Variants in DHX32 observed in about 807,000 individuals in gnomAD.
DHX32 encodes the protein putative pre-mRNA-splicing factor ATP-dependent RNA helicase DHX32.
In DHX32, 51 loss-of-function variants were observed where a neutral mutation model predicts 70.0. That is an observed-to-expected ratio of 0.73 (90% CI 0.58 to 0.92). The LOEUF is 0.92. Ranked by LOEUF, DHX32 falls within the 40% of genes least tolerant of loss-of-function variation. DHX32 has a pLI of 0.00. For synonymous variants in DHX32, 310 were observed against 315.3 expected (o/e 0.98, Z 0.18); for missense variants, 762 against 891.8 (o/e 0.85, Z 1.85).
In DHX32 at chr10:125,836,602, C is replaced by A. The variant is rs1564820937; in HGVS notation, c.*85G>T. ...ACCGTCCTGTGGATGTGAAATCCGT[C>A]TTCGCGTCATGTATCTCCCATATCC... On this transcript the variant is annotated 3_prime_UTR_variant, in exon 11 of 11. Coordinates refer to ENST00000284690, the MANE Select transcript of DHX32 (RefSeq NM_018180.3). The A allele has an allele frequency of 6.7e-7, 1 of 1,499,022 alleles. No homozygotes were observed. The highest frequency in any genetic ancestry group is 9.0e-7 in the Non-Finnish European group (1 of 1,111,796). 92.9% of individuals were successfully genotyped at this position (1,499,022 alleles called of 1,614,324 possible).
chr10:125,895,818 G>A (rs556906843), intron 1 of DHX32, among the ~76,000 whole-genome samples: 4 of 151,366 alleles, frequency 2.6e-5, no homozygotes, highest in Non-Finnish European at 5.9e-5. Flanking sequence ...GGGCAAAGCC[G>A]GGCAAAACCG....
intron 1 of DHX32, among the ~76,000 whole-genome samples, chr10:125,868,691 C>T (rs904329336): frequency 6.6e-6 from 1 of 152,192 alleles, no homozygotes; most frequent in African/African-American, 2.4e-5. Context: ...CCAGGAATAA[C>T]AAGCCACCTA....
rs1156703743 is a variant in DHX32 at position 125,880,627 on chromosome 10, T to G, written c.198A>C (p.Lys66Asn). The change falls in exon 1 of 11, where the codon AAA (lysine) becomes AAC (asparagine). Residue 66 changes from lysine to asparagine, a missense_variant. Lys to Asn is a moderately conservative substitution (Grantham distance 94). Around this residue, in one of 3 missense-constraint regions of DHX32, gnomAD observed 394 missense variants for 473.1 expected, o/e 0.83. Coordinates refer to ENST00000284690, the MANE Select transcript of DHX32 (RefSeq NM_018180.3). ...LKEREDLPIW[K>N]EKYSFMENLL... ...GGTTCTCCATAAAGGAGTATTTTTC[T>G]TTCCATATAGGAAGATCTTCTCTTT... 1 of 1,614,192 alleles carries G rather than the reference T, an allele frequency of 6.2e-7. No homozygotes were observed. Among genetic ancestry groups the G allele is most frequent in the South Asian group, 1.1e-5 (1 of 91,086 alleles).
At chr10:125,868,477 A>T (rs1051252624) in intron 1 of DHX32, among the ~76,000 whole-genome samples, 12 of 152,220 alleles carry the variant, frequency 7.9e-5, no homozygotes, top group African/African-American at 2.7e-4. Context: ...CCAGAAATAC[A>T]AGTAACTCCA....
chr10:125,861,734 T>G (rs1268921282), intron 2 of DHX32, among the ~76,000 whole-genome samples: 1 of 152,216 alleles, frequency 6.6e-6, no homozygotes, highest in Non-Finnish European at 1.5e-5. Flanking sequence ...CTCGTGAGCT[T>G]GCGCCTGGGT....
intron 10 of DHX32, 49 bp downstream of exon 10, chr10:125,838,157 G>T (rs1485168485): frequency 6.7e-7 from 1 of 1,500,254 alleles, no homozygotes; most frequent in Non-Finnish European, 8.9e-7. Flanking sequence ...TACTCCTACA[G>T]GTATGAATTA....
intron 2 of DHX32, among the ~76,000 whole-genome samples, chr10:125,861,272 C>G (rs1305776143): frequency 1.3e-5 from 2 of 151,354 alleles, no homozygotes; most frequent in South Asian, 4.2e-4. Context: ...CCGAGGCAGG[C>G]GGATCACAAG....
chr10:125,892,933 CCTCT>C (rs1944380176), intron 1 of DHX32, among the ~76,000 whole-genome samples: 2 of 152,136 alleles, frequency 1.3e-5, no homozygotes, highest in African/African-American at 2.4e-5. Flanking sequence ...AAAGGTTTGA[CCTCT>C]CTATTATTAC....
chr10:125,838,277 C>T lies in DHX32; in HGVS notation c.1992G>A (p.Trp664Ter). The T allele has an allele frequency of 6.2e-7, 1 of 1,613,606 alleles. No individual in the cohort carries two copies. Among genetic ancestry groups the T allele is most frequent in the Non-Finnish European group, 8.5e-7 (1 of 1,179,894 alleles). Residue 664 changes from tryptophan to a stop codon, truncating the protein, a stop_gained, in exon 10 of 11, where the codon TGG (tryptophan) becomes TGA (stop). Coordinates refer to ENST00000284690, the MANE Select transcript of DHX32 (RefSeq NM_018180.3). LOFTEE classifies it high-confidence loss of function. The stretch of plus-strand genomic sequence containing the variant: ...AAATGCTGAATTTATGGAAGAGGAC[C>T]CACTCTGGCATCTTCTTGGTGATTG... The part of the protein sequence containing the change: ...GYSITKKMPE[W>*]VLFHKFSISE...
At chr10:125,878,695 T>G (rs181233059) in intron 1 of DHX32, among the ~76,000 whole-genome samples, 2 of 152,090 alleles carry the variant, frequency 1.3e-5, no homozygotes, top group East Asian at 1.9e-4. Flanking sequence ...TTGGTGTTTT[T>G]TTTTGTTTTG....
In DHX32 at chr10:125,859,758, C is replaced by T. The variant is rs368692405; in HGVS notation, c.694G>A (p.Val232Met). The change falls in exon 3 of 11, where the codon GTG becomes ATG. Residue 232 changes from valine to methionine, a missense_variant. Physicochemically the swap from Val to Met is conservative, Grantham distance 21. Coordinates refer to ENST00000284690, the MANE Select transcript of DHX32 (RefSeq NM_018180.3). ...TTATTTTTCACTTCTATGACAGGCA[C>T]GTTTCCATAATAAGAATTGAGTTTG... ...ISKLNSYYGN[V>M]PVIEVKNKHP... The T allele has an allele frequency of 1.8e-4, 284 of 1,613,902 alleles. 1 individual carries two copies. Among genetic ancestry groups the T allele is most frequent in the Middle Eastern group, 1.6e-3 (10 of 6,082 alleles).
intron 1 of DHX32, 124 bp from the exon 2 acceptor site, chr10:125,867,307 G>T: frequency 1.4e-6 from 1 of 740,508 alleles, no homozygotes; most frequent in Non-Finnish European, 2.2e-6. Flanking sequence ...GCAGTGGGCT[G>T]TATTACATCT....
At chr10:125,890,287 C>G (rs4089565) in intron 1 of DHX32, among the ~76,000 whole-genome samples, 3 of 152,152 alleles carry the variant, frequency 2.0e-5, no homozygotes, top group African/African-American at 7.2e-5. Flanking sequence ...GCATGGTATG[C>G]TTTAATTGAA....
intron 8 of DHX32, 105 bp from the exon 9 acceptor site, chr10:125,839,293 A>G: frequency 8.5e-7 from 1 of 1,177,916 alleles, no homozygotes; most frequent in Non-Finnish European, 1.2e-6. Flanking sequence ...CTCCTCTCCT[A>G]CAAAGGAGGC....
chr10:125,851,125 A>G (rs749289482), intron 6 of DHX32, among the ~76,000 whole-genome samples: 3 of 152,256 alleles, frequency 2.0e-5, no homozygotes, highest in Non-Finnish European at 4.4e-5. Context: ...CACATGGTTC[A>G]TGCATCCTGA....
intron 1 of DHX32, among the ~76,000 whole-genome samples, chr10:125,874,972 A>C (rs1405799908): frequency 6.6e-6 from 1 of 152,110 alleles, no homozygotes; most frequent in Non-Finnish European, 1.5e-5. Context: ...TAATCCCAGC[A>C]CTTTGGGAGG....
chr10:125,848,204 T>G (rs1030258749), intron 6 of DHX32, among the ~76,000 whole-genome samples: 3 of 152,124 alleles, frequency 2.0e-5, no homozygotes, highest in African/African-American at 7.2e-5. Flanking sequence ...CCTAAGACTC[T>G]ACAATGTCTA....
chr10:125,844,024 G>A (rs1390005814), intron 6 of DHX32, among the ~76,000 whole-genome samples: 1 of 152,184 alleles, frequency 6.6e-6, no homozygotes, highest in Admixed American at 6.5e-5. Context: ...TTCCTGTCCT[G>A]CCTGGGTCCT....
chr10:125,884,180 G>A (rs965223976), upstream of DHX32, among the ~76,000 whole-genome samples: 2 of 152,294 alleles, frequency 1.3e-5, no homozygotes, highest in South Asian at 2.1e-4. Flanking sequence ...GACCTAACTA[G>A]AGGAGTTGGG....
Sources: gnomAD v4.1 joint callset for allele counts (sites outside exome capture counted in the v4.1 genomes callset) on GRCh38, gnomAD v4.1.1 for gene constraint, gnomAD v4.1.1 regional missense constraint, MANE v1.5 for transcripts, NCBI Gene and HGNC (gene_info 2026-07-23, HGNC 2026-07-21) for gene names.